Variants in CSNK2A2 observed in about 807,000 individuals in gnomAD.
CSNK2A2 encodes the protein casein kinase 2 alpha 2, also known as casein kinase II subunit alpha'.
In CSNK2A2, 8 loss-of-function variants were observed where a neutral mutation model predicts 54.0. That is an observed-to-expected ratio of 0.15 (90% CI 0.09 to 0.27). The LOEUF (loss-of-function observed/expected upper bound fraction) is 0.27, where lower values mean the gene tolerates loss of function less well. Among genes scored for constraint, CSNK2A2 ranks in the 10% least tolerant of loss-of-function variants. The pLI is 1.00. For synonymous variants in CSNK2A2, 141 were observed against 153.9 expected (o/e 0.92, Z 0.62); for missense variants, 242 against 439.4 (o/e 0.55, Z 4.02).
Position 58,197,689 on chromosome 16 carries a change from C to A in CSNK2A2, c.48G>T (p.Val16=). The A allele has an allele frequency of 6.4e-7, 1 of 1,569,686 alleles. No individual in the cohort carries two copies. The highest frequency in any genetic ancestry group is 1.2e-5 in the South Asian group (1 of 86,554). ...AGSRARVYAE[V]NSLRSREYWD... Reference sequence around the variant, plus strand: ...AGTACTCGCGGCTCCTCAGACTGTTCACCTCGGCGTAGACCCGGGCCCTGC... The same window carrying A: ...AGTACTCGCGGCTCCTCAGACTGTTAACCTCGGCGTAGACCCGGGCCCTGC... Residue 16 remains valine, a synonymous_variant, in exon 1 of 12, where the codon GTG becomes GTT. Coordinates refer to ENST00000262506, the MANE Select transcript of CSNK2A2 (RefSeq NM_001896.4). This position sits in a 1 kb window ranked among gnomAD's most constrained non-coding sequence, Gnocchi z 4.0.
intron 2 of CSNK2A2, among the ~76,000 whole-genome samples, chr16:58,191,209 T>C (rs962964982): frequency 3.9e-5 from 6 of 151,900 alleles, no homozygotes; most frequent in Admixed American, 6.6e-5. Context: ...TGCCAGGAAA[T>C]GGGGGAGGGA....
rs1961608562 is a variant in CSNK2A2 at position 58,167,772 on chromosome 16, C to T, written c.537G>A (p.Leu179=). 1 of 1,613,896 alleles carries T rather than the reference C, an allele frequency of 6.2e-7. No homozygotes were observed. Among genetic ancestry groups the T allele is most frequent in the African/African-American group, 1.3e-5 (1 of 74,884 alleles). Residue 179 remains leucine, a synonymous_variant, in exon 7 of 12, where the codon CTG becomes CTA. Coordinates refer to ENST00000262506, the MANE Select transcript of CSNK2A2 (RefSeq NM_001896.4). ...QKKLRLIDWG[L]AEFYHPAQEY... is the part of the protein sequence containing the mutation. ...CCTGAGCAGGATGATAGAATTCTGCCAGACCCCAATCTATCAGTCGCAGCT... is the reference window on the plus strand; with the variant it reads ...CCTGAGCAGGATGATAGAATTCTGCTAGACCCCAATCTATCAGTCGCAGCT...
chr16:58,174,556 A>T (rs1460907686), intron 4 of CSNK2A2, 46 bp from the exon 5 acceptor site: 1 of 1,499,250 alleles, frequency 6.7e-7, no homozygotes, highest in Non-Finnish European at 9.3e-7. Context: ...GTCTCACTGC[A>T]TCTTGTCATC....
rs1300734184 is a variant in CSNK2A2, at chr16:58,167,857, C to A, written c.514-62G>T. On this transcript the variant is annotated intron_variant, in intron 6 of 11. Transcript: ENST00000262506. ...GTTTCTAGACGCCTATGCCTTAGAA[C>A]AAGGCCACATCACATTAGGTAACAA... 4.1e-6 allele frequency: 5 copies of A among 1,216,526 alleles called. No individual in the cohort carries two copies. The East Asian group carries it at 1.2e-4, about 28-fold the overall frequency. 75.4% of individuals were successfully genotyped at this position (1,216,526 alleles called of 1,614,324 possible). A position where few individuals can be genotyped will look rare whatever the true frequency, so the allele number is the denominator to read the frequency against.
intron 11 of CSNK2A2, among the ~76,000 whole-genome samples, chr16:58,159,370 G>C (rs1358978737): frequency 6.6e-6 from 1 of 152,206 alleles, no homozygotes; most frequent in East Asian, 1.9e-4. Flanking sequence ...AGGTGTCTGA[G>C]TGGCGCGACT....
chr16:58,194,743 C>T lies in CSNK2A2; in HGVS notation c.216+1990G>A, dbSNP rs1489382735. 2.0e-5 allele frequency among the ~76,000 whole-genome samples: 3 copies of T among 152,180 alleles called. No homozygotes were observed. The East Asian group carries it at 5.8e-4, about 29-fold the overall frequency. On this transcript the variant is annotated intron_variant, in intron 2 of 11. Coordinates refer to ENST00000262506, the MANE Select transcript of CSNK2A2 (RefSeq NM_001896.4). The stretch of plus-strand genomic sequence containing the variant: ...TAGGTAAGTTTCTTTGTGCCTAGGT[C>T]TCCCATTTGTAAAGATAACCTGCAG...
At chr16:58,163,553 G>A (rs1249736177) in intron 11 of CSNK2A2, 1 of 151,870 alleles carries the variant, frequency 6.6e-6, no homozygotes, top group African/African-American at 2.4e-5. Context: ...CATAAAACGT[G>A]GATTTGTAAA....
At chr16:58,178,066 A>T (rs1961926419) in intron 4 of CSNK2A2, among the ~76,000 whole-genome samples, 1 of 152,176 alleles carries the variant, frequency 6.6e-6, no homozygotes, top group African/African-American at 2.4e-5. Context: ...CCAATTAAGG[A>T]AACTATTTAG....
In CSNK2A2 at chr16:58,163,985, A is replaced by G. The variant is rs937395049; in HGVS notation, c.*17+69T>C. ...AATGATAAGAATTTCTTTTTATCAC[A>G]CTGTAGTTTTCCTTCAAGGTTTGTG... On this transcript the variant is annotated intron_variant, in intron 11 of 11. Transcript: ENST00000262506. The G allele has an allele frequency of 2.5e-6, 3 of 1,186,750 alleles. No individual in the cohort carries two copies. In the South Asian group the frequency reaches 3.9e-5, roughly 16 times the overall value. 73.5% of individuals were successfully genotyped at this position (1,186,750 alleles called of 1,614,324 possible). A position where few individuals can be genotyped will look rare whatever the true frequency, so the allele number is the denominator to read the frequency against.
rs769939605 is a variant in CSNK2A2, at chr16:58,168,700, G to A, written c.430-7C>T. On this transcript the variant is annotated splice_region_variant and splice_polypyrimidine_tract_variant and intron_variant, in intron 5 of 11. Coordinates refer to ENST00000262506, the MANE Select transcript of CSNK2A2 (RefSeq NM_001896.4). ...TGTGGCAGTAATCCAGAGCCTATTA[G>A]GTAAGAAAGCACAGATAATAGTAAG... The A allele has an allele frequency of 1.2e-6, 2 of 1,610,930 alleles. No individual in the cohort carries two copies. Among genetic ancestry groups the A allele is most frequent in the Middle Eastern group, 1.7e-4 (1 of 6,046 alleles).
intron 4 of CSNK2A2, among the ~76,000 whole-genome samples, chr16:58,182,504 G>C (rs1419194829): frequency 7.0e-6 from 1 of 143,258 alleles, no homozygotes; most frequent in African/African-American, 2.6e-5. Flanking sequence ...GCAGTGAGCC[G>C]AGATTGCGCT....
intron 11 of CSNK2A2, chr16:58,163,375 G>C (rs1961453739): frequency 6.6e-6 from 1 of 150,900 alleles, no homozygotes; most frequent in Non-Finnish European, 1.5e-5. Context: ...TGGAACTTTT[G>C]ATGATAACCA....
intron 2 of CSNK2A2, among the ~76,000 whole-genome samples, chr16:58,195,641 C>T (rs1307730939): frequency 6.6e-6 from 1 of 152,200 alleles, no homozygotes; most frequent in African/African-American, 2.4e-5. Flanking sequence ...GGACCCATCA[C>T]AGATTCTAAG....
At chr16:58,187,420 C>T (rs190799889) in intron 2 of CSNK2A2, among the ~76,000 whole-genome samples, 1 of 152,090 alleles carries the variant, frequency 6.6e-6, no homozygotes, top group Non-Finnish European at 1.5e-5. Flanking sequence ...TAATGTTTTC[C>T]AACAGATCCC....
intron 5 of CSNK2A2, among the ~76,000 whole-genome samples, chr16:58,171,476 T>C (rs1273943215): frequency 6.6e-6 from 1 of 151,842 alleles, no homozygotes; most frequent in African/African-American, 2.4e-5. Context: ...TGAGCCGAGA[T>C]CATGCCACCG....
At chr16:58,161,546 C>CACAG (rs1555504911) in intron 11 of CSNK2A2, 3 of 150,438 alleles carry the variant, frequency 2.0e-5, no homozygotes, top group African/African-American at 7.5e-5. Flanking sequence ...CAGACACACA[C>CACAG]ACAGACACAC....
chr16:58,158,749 AT>A (rs1333892882), intron 11 of CSNK2A2, among the ~76,000 whole-genome samples: 2 of 152,206 alleles, frequency 1.3e-5, no homozygotes, highest in African/African-American at 4.8e-5. Context: ...ACCTGACCTG[AT>A]TATCTGAGGT....
chr16:58,165,007 T>G (rs1292125408), intron 10 of CSNK2A2, among the ~76,000 whole-genome samples: 4 of 152,174 alleles, frequency 2.6e-5, no homozygotes, highest in African/African-American at 9.7e-5. Context: ...AAACACACGT[T>G]ATCAGAGGAA....
chr16:58,161,351 T>G (rs1330403684), intron 11 of CSNK2A2: 1 of 152,188 alleles, frequency 6.6e-6, no homozygotes, highest in Admixed American at 6.6e-5. Flanking sequence ...TCCCCACATT[T>G]TTTGCTTTTC....
Sources: allele counts gnomAD v4.1 joint callset (sites outside exome capture counted in the v4.1 genomes callset), GRCh38; gene constraint gnomAD v4.1.1; non-coding constraint Gnocchi (gnomAD v3.1); transcripts MANE v1.5; gene names NCBI Gene and HGNC (gene_info 2026-07-23, HGNC 2026-07-21).